The following C12orf54 variants were observed in gnomAD, a reference collection of about 807,000 sequenced individuals.
C12orf54 encodes the protein uncharacterized protein C12orf54.
A neutral mutation model predicts 26.4 loss-of-function variants in C12orf54; 24 were observed. The ratio of observed to expected loss-of-function variants is 0.91; its 90% CI spans 0.66 to 1.28. C12orf54 has a LOEUF of 1.28. Among genes scored for constraint, C12orf54 ranks in the 50% most tolerant of loss-of-function variants. C12orf54 has a pLI of 0.00. For missense variants in C12orf54, 154 were observed against 150.9 expected (o/e 1.02, Z -0.11); for synonymous variants, 54 against 47.0 (o/e 1.15, Z -0.61).
chr12:48,416,284 A>G, the C12orf54 span, among the ~76,000 whole-genome samples: 1 of 152,160 alleles, frequency 6.6e-6, no homozygotes, highest in Non-Finnish European at 1.5e-5. Context: ...TCATGGTCTA[A>G]AAGTTACTAT....
the C12orf54 span, among the ~76,000 whole-genome samples, chr12:48,462,759 T>A: frequency 6.6e-6 from 1 of 151,784 alleles, no homozygotes; most frequent in African/African-American, 2.4e-5. Flanking sequence ...TATAAAAAAA[T>A]CTATATCTAT....
chr12:48,479,121 A>T (rs1401148293), upstream of C12orf54, among the ~76,000 whole-genome samples: 1 of 152,260 alleles, frequency 6.6e-6, no homozygotes, highest in Non-Finnish European at 1.5e-5. Flanking sequence ...CCAAATGTCC[A>T]ACAATGATAG....
chr12:48,426,891 G>C, the C12orf54 span, among the ~76,000 whole-genome samples: 8 of 151,964 alleles, frequency 5.3e-5, no homozygotes, highest in African/African-American at 1.4e-4. Flanking sequence ...AGCTGTTGTT[G>C]GTGTATAGGA....
the C12orf54 span, among the ~76,000 whole-genome samples, chr12:48,426,248 CA>C: frequency 9.7e-4 from 148 of 151,902 alleles, no homozygotes; most frequent in African/African-American, 3.5e-3. Flanking sequence ...ATATGACTTG[CA>C]TTGTTTTTTG....
chr12:48,437,808 C>CA, the C12orf54 span, among the ~76,000 whole-genome samples: 2 of 152,034 alleles, frequency 1.3e-5, no homozygotes, highest in East Asian at 3.9e-4. Context: ...ACTGAATGGA[C>CA]AAAAACTGGA....
the C12orf54 span, among the ~76,000 whole-genome samples, chr12:48,414,537 C>T: frequency 2.0e-5 from 3 of 152,238 alleles, no homozygotes; most frequent in Non-Finnish European, 2.9e-5. Flanking sequence ...TCTTCCTCCT[C>T]ATTACTCCTT....
chr12:48,472,604 GT>G, the C12orf54 span: 1 of 1,599,156 alleles, frequency 6.3e-7, no homozygotes, highest in South Asian at 1.1e-5. Context: ...GCGGTTGTGG[GT>G]TCGGGGTTTA....
At position 48,486,705 on chromosome 12, in the gene C12orf54, C is replaced by G; in HGVS notation, c.114C>G (p.Ile38Met). Residue 38 changes from isoleucine (I) to methionine (M), a missense_variant, in exon 4 of 9, where the codon ATC (isoleucine) becomes ATG (methionine). By Grantham distance (10) the Ile-to-Met change is conservative. Coordinates refer to ENST00000548364, the MANE Select transcript of C12orf54 (RefSeq NM_152319.4). ...TMRPQEKQVT[I>M]TETLWDQVLT... ...TTCTACAGGAAAAACAGGTAACCAT[C>G]ACTGAAACCCTGTGGGACCAGGTGA... The G allele has an allele frequency of 6.2e-7, 1 of 1,613,352 alleles. No individual in the cohort carries two copies.
chr12:48,433,902 T>C, the C12orf54 span, among the ~76,000 whole-genome samples: 1 of 152,154 alleles, frequency 6.6e-6, no homozygotes. Flanking sequence ...CTGAGGCTTG[T>C]TGGACAGTGG....
At chr12:48,455,212 C>T in the C12orf54 span, among the ~76,000 whole-genome samples, 2 of 152,118 alleles carry the variant, frequency 1.3e-5, no homozygotes, top group Non-Finnish European at 2.9e-5. Flanking sequence ...GTTTTCTGTT[C>T]CTGTATTAGT....
At chr12:48,413,901 T>G in the C12orf54 span, among the ~76,000 whole-genome samples, 7 of 152,180 alleles carry the variant, frequency 4.6e-5, no homozygotes, top group East Asian at 1.2e-3. Flanking sequence ...CCAGAGAAAA[T>G]GAGAATACTC....
the C12orf54 span, among the ~76,000 whole-genome samples, chr12:48,443,754 C>G: frequency 3.9e-5 from 6 of 152,206 alleles, no homozygotes; most frequent in African/African-American, 1.2e-4. Flanking sequence ...TTTGCCTACT[C>G]TGCAGTGACA....
At chr12:48,432,380 C>G in the C12orf54 span, among the ~76,000 whole-genome samples, 1 of 152,066 alleles carries the variant, frequency 6.6e-6, no homozygotes, top group Non-Finnish European at 1.5e-5. Context: ...TAGAAAAGAA[C>G]TCTCCTTTCA....
chr12:48,416,643 C>A, the C12orf54 span, among the ~76,000 whole-genome samples: 1 of 152,124 alleles, frequency 6.6e-6, no homozygotes, highest in Non-Finnish European at 1.5e-5. Context: ...AGGTGGGTCA[C>A]CTGAGGTCAA....
At chr12:48,470,423 A>T in the C12orf54 span, among the ~76,000 whole-genome samples, 1 of 151,872 alleles carries the variant, frequency 6.6e-6, no homozygotes. Context: ...TGTGATTTTG[A>T]TCTGCATTTC....
At chr12:48,473,260 A>T in the C12orf54 span, 2 of 1,086,444 alleles carry the variant, frequency 1.8e-6, no homozygotes, top group Middle Eastern at 4.0e-4. Context: ...GAGGAACGTG[A>T]AGAGGAGGAC....
chr12:48,437,655 T>A, the C12orf54 span, among the ~76,000 whole-genome samples: 27 of 152,122 alleles, frequency 1.8e-4, no homozygotes, highest in African/African-American at 5.8e-4. Context: ...CAAAAACCAC[T>A]TGATTATCTC....
upstream of C12orf54, among the ~76,000 whole-genome samples, chr12:48,479,254 T>C (rs1177859541): frequency 2.0e-5 from 3 of 151,916 alleles, no homozygotes; most frequent in African/African-American, 4.8e-5. Context: ...CAGCAAACTA[T>C]CACAAGGACA....
Position 48,494,914 on chromosome 12 carries a change from A to G in C12orf54, c.359A>G (p.Gln120Arg). ...IHNLKTQLFS[Q>R]SAYYPGP The stretch of plus-strand genomic sequence containing the variant: ...AACCTGAAGACACAGCTCTTCAGTC[A>G]ATCAGCTTACTACCCTGGACCCTAA... The change falls in exon 8 of 9, where the codon CAA becomes CGA. Residue 120 changes from glutamine (Q) to arginine (R), a missense_variant. Physicochemically the swap from Gln to Arg is conservative, Grantham distance 43. Transcript: ENST00000548364. 1 of 1,613,222 alleles carries G rather than the reference A, an allele frequency of 6.2e-7. No individual in the cohort carries two copies. The highest frequency in any genetic ancestry group is 1.7e-5 in the Admixed American group (1 of 60,028).
Sources: allele counts gnomAD v4.1 joint callset (sites outside exome capture counted in the v4.1 genomes callset), GRCh38; gene constraint gnomAD v4.1.1; transcripts MANE v1.5; gene names NCBI Gene and HGNC (gene_info 2026-07-23, HGNC 2026-07-21).